Variants in RAD54L observed in about 807,000 individuals in gnomAD.
RAD54L encodes the protein DNA repair and recombination protein RAD54-like.
In RAD54L, 74 loss-of-function variants were observed where a neutral mutation model predicts 91.6. The observed-to-expected ratio is 0.81, with a 90% CI of 0.67 to 0.98. The LOEUF (loss-of-function observed/expected upper bound fraction) is 0.98, where lower values mean the gene tolerates loss of function less well. Ranked by LOEUF, RAD54L falls within the 50% of genes least tolerant of loss-of-function variation. RAD54L has a pLI of 0.00. For missense variants in RAD54L, 887 were observed against 945.7 expected, an observed-to-expected ratio of 0.94 and a Z score of 0.81; for synonymous variants, 304 against 349.7, an observed-to-expected ratio of 0.87 and a Z score of 1.46.
chr1:46,274,646 G>A lies in RAD54L; in HGVS notation c.1798G>A (p.Asp600Asn). The change falls in exon 16 of 18, where the codon GAT (aspartate) becomes AAT (asparagine). Residue 600 changes from aspartate (D) to asparagine (N), a missense_variant. Transcript: ENST00000371975. ...MFDPDWNPANDEQAMARVWRD... is the reference protein window; with the variant it reads ...MFDPDWNPANNEQAMARVWRD... The stretch of plus-strand genomic sequence containing the variant: ...TGACCCTGACTGGAACCCAGCCAAT[G>A]ATGAACAAGCCATGGCCCGGGTCTG... The A allele has an allele frequency of 6.2e-7, 1 of 1,614,130 alleles. No homozygotes were observed. Among genetic ancestry groups the A allele is most frequent in the Non-Finnish European group, 8.5e-7 (1 of 1,180,044 alleles).
chr1:46,275,839 A>T (rs1018872855), intron 16 of RAD54L, among the ~76,000 whole-genome samples: 4 of 152,088 alleles, frequency 2.6e-5, no homozygotes, highest in African/African-American at 4.8e-5. Context: ...CTAATCCCTT[A>T]AAAAATGCTC....
chr1:46,274,669 C>G lies in RAD54L; in HGVS notation c.1821C>G (p.Val607=). The change falls in exon 16 of 18, where the codon GTC becomes GTG. Residue 607 remains valine (V), a synonymous_variant. Transcript: ENST00000371975. The part of the protein sequence containing the change: ...PANDEQAMAR[V]WRDGQKKTCY... ...ATGATGAACAAGCCATGGCCCGGGTCTGGCGAGATGGTCAAAAGAAGACTT... is the reference window on the plus strand; with the variant it reads ...ATGATGAACAAGCCATGGCCCGGGTGTGGCGAGATGGTCAAAAGAAGACTT... 1 of 1,614,164 alleles carries G rather than the reference C, an allele frequency of 6.2e-7. No individual in the cohort carries two copies. The highest frequency in any genetic ancestry group is 8.5e-7 in the Non-Finnish European group (1 of 1,180,036).
Position 46,261,112 on chromosome 1 carries a change from G to A in RAD54L, c.766+97G>A, listed in dbSNP as rs537399840. ...ATGGCCAGGGTGGAGGGCAATGCAG[G>A]GGTAGAAGAAAAGAGAATTTCCATT... On this transcript the variant is annotated intron_variant, in intron 7 of 17. Coordinates refer to ENST00000371975, the MANE Select transcript of RAD54L (RefSeq NM_003579.4). 4.5e-6 allele frequency: 7 copies of A among 1,544,796 alleles called. No homozygotes were observed. In the East Asian group the frequency reaches 1.7e-4, roughly 36 times the overall value.
At chr1:46,256,716 C>T (rs1339293114) in intron 3 of RAD54L, among the ~76,000 whole-genome samples, 4 of 151,278 alleles carry the variant, frequency 2.6e-5, no homozygotes, top group Admixed American at 6.6e-5. Flanking sequence ...AGTTTTTTGC[C>T]AACTTTGCCT....
chr1:46,265,361 T>TA lies in RAD54L; in HGVS notation c.892-2096dup. On this transcript the variant is annotated intron_variant, in intron 8 of 17. Coordinates refer to ENST00000371975, the MANE Select transcript of RAD54L (RefSeq NM_003579.4). This position sits in a 1 kb window ranked among gnomAD's most constrained non-coding sequence, Gnocchi z 4.8. ...AGCCCGGCATAGTAACACATGCCTG[T>TA]AATACCAGCAACTCAGGAAGCTGAG... Among the ~76,000 whole-genome samples, 1 of 152,038 alleles carries TA rather than the reference T, an allele frequency of 6.6e-6. No homozygotes were observed.
intron 16 of RAD54L, among the ~76,000 whole-genome samples, chr1:46,276,692 C>T (rs989372041): frequency 6.6e-6 from 1 of 152,216 alleles, no homozygotes; most frequent in Non-Finnish European, 1.5e-5. Flanking sequence ...TCTGTCTTAT[C>T]CCAACCCATT....
In RAD54L at chr1:46,276,403, G is replaced by A. The variant is rs568627238; in HGVS notation, c.1870-1414G>A. Among the ~76,000 whole-genome samples the A allele has an allele frequency of 2.0e-5, 3 of 152,058 alleles. No homozygotes were observed. The East Asian group carries it at 5.8e-4, about 30-fold the overall frequency. On this transcript the variant is annotated intron_variant, in intron 16 of 17. Coordinates refer to ENST00000371975, the MANE Select transcript of RAD54L (RefSeq NM_003579.4). ...TGGTCTCGAACATCTGGACTCAAGC[G>A]ATCCACCTTGGCCTTCCCAAGTGCT...
intron 5 of RAD54L, 139 bp downstream of exon 5, chr1:46,260,238 C>G: frequency 7.3e-7 from 1 of 1,363,676 alleles, no homozygotes; most frequent in Non-Finnish European, 1.0e-6. Context: ...GGGAAGGAGA[C>G]TGCCTGGGGA....
At chr1:46,277,503 T>C in intron 16 of RAD54L, 1 of 445,240 alleles carries the variant, frequency 2.2e-6, no homozygotes, top group Middle Eastern at 6.6e-4. Flanking sequence ...TGAGTTAGAG[T>C]TGGGCTTGGT....
chr1:46,250,145 T>G (rs1226083380), intron 3 of RAD54L, 26 bp downstream of exon 3: 1 of 1,613,786 alleles, frequency 6.2e-7, no homozygotes, highest in Non-Finnish European at 8.5e-7. Flanking sequence ...AACCTGCATG[T>G]GTATGTCTGT....
chr1:46,273,109 AAG>A (rs1660483530), intron 12 of RAD54L, among the ~76,000 whole-genome samples: 1 of 152,148 alleles, frequency 6.6e-6, no homozygotes, highest in South Asian at 2.1e-4. Context: ...AAAAATAACA[AAG>A]AAACCTTGCC....
chr1:46,248,423 AG>A lies in RAD54L; in HGVS notation c.3+19del, dbSNP rs763940599. 2.3e-5 allele frequency: 37 copies of A among 1,614,054 alleles called. No homozygotes were observed. The highest frequency in any genetic ancestry group is 3.1e-5 in the Non-Finnish European group (37 of 1,179,998). The stretch of plus-strand genomic sequence containing the variant: ...GGCCCAGGATGGTAAGTGTGGGCCT[AG>A]GGGAGACTGGGAATAGCCCTGGGTC... On this transcript the variant is annotated intron_variant, in intron 1 of 17. Coordinates refer to ENST00000371975, the MANE Select transcript of RAD54L (RefSeq NM_003579.4).
At chr1:46,275,693 TAACTC>T (rs934928423) in intron 16 of RAD54L, among the ~76,000 whole-genome samples, 3 of 152,222 alleles carry the variant, frequency 2.0e-5, no homozygotes, top group South Asian at 2.1e-4. Context: ...ATTTCCTACC[TAACTC>T]ATCTTCTTTC....
intron 16 of RAD54L, 81 bp from the exon 17 acceptor site, chr1:46,277,736 A>G: frequency 6.7e-7 from 1 of 1,481,514 alleles, no homozygotes; most frequent in Non-Finnish European, 9.4e-7. Flanking sequence ...TGTAGTTTCA[A>G]CCCTTTGGTT....
At chr1:46,249,254 G>A (rs1336608938) in intron 2 of RAD54L, among the ~76,000 whole-genome samples, 1 of 152,196 alleles carries the variant, frequency 6.6e-6, no homozygotes, top group East Asian at 1.9e-4. Flanking sequence ...CTTTTTGGCA[G>A]GAGCAGTGTG....
At position 46,278,233 on chromosome 1, in the gene RAD54L, C is replaced by T. The variant is rs766417899; in HGVS notation, c.2195C>T (p.Thr732Ile). 3 of 1,613,918 alleles carry T rather than the reference C, an allele frequency of 1.9e-6. No individual in the cohort carries two copies. Among genetic ancestry groups the T allele is most frequent in the South Asian group, 2.2e-5 (2 of 90,982 alleles). ...TGGGATGCTGCCTCCACTGCCATCA[C>T]CTTCGTCTTCCACCAGCGTTCTCAT... is the stretch of plus-strand genomic sequence containing the variant. ...AAWDAASTAI[T>I]FVFHQRSHEE... Residue 732 changes from threonine (T) to isoleucine (I), a missense_variant, in exon 18 of 18, where the codon ACC (threonine) becomes ATC (isoleucine). Physicochemically the swap from Thr to Ile is moderately conservative, Grantham distance 89. Transcript: ENST00000371975.
At chr1:46,275,248 C>G (rs575123811) in intron 16 of RAD54L, among the ~76,000 whole-genome samples, 1 of 152,210 alleles carries the variant, frequency 6.6e-6, no homozygotes, top group Non-Finnish European at 1.5e-5. Flanking sequence ...ATGTGGTTAT[C>G]CAGCACTCTG....
Position 46,278,469 on chromosome 1 carries a change from G to C in RAD54L, c.*187G>C, listed in dbSNP as rs1247462923. On this transcript the variant is annotated 3_prime_UTR_variant, in exon 18 of 18. Coordinates refer to ENST00000371975, the MANE Select transcript of RAD54L (RefSeq NM_003579.4). Reference sequence around the variant, plus strand: ...TAAAAAAAAGAATAAAGGTATGAAAGGGTTTGAGGCCTGAGAGCAGTGTGG... The same window carrying C: ...TAAAAAAAAGAATAAAGGTATGAAACGGTTTGAGGCCTGAGAGCAGTGTGG... 2 of 745,986 alleles carry C rather than the reference G, an allele frequency of 2.7e-6. No homozygotes were observed. Among genetic ancestry groups the C allele is most frequent in the African/African-American group, 3.5e-5 (2 of 56,788 alleles). The allele number at this position is 745,986 out of a possible 1,614,324, so 46.2% of individuals were successfully genotyped here. A position where few individuals can be genotyped will look rare whatever the true frequency, so the allele number is the denominator to read the frequency against.
intron 9 of RAD54L, among the ~76,000 whole-genome samples, chr1:46,269,228 C>T (rs760493280): frequency 6.6e-6 from 1 of 152,046 alleles, no homozygotes; most frequent in African/African-American, 2.4e-5. Context: ...CCGTTTGTCT[C>T]CTTGTGTCAG....
Sources: gnomAD v4.1 joint callset for allele counts (sites outside exome capture counted in the v4.1 genomes callset) on GRCh38, gnomAD v4.1.1 for gene constraint, Gnocchi (gnomAD v3.1) non-coding constraint, MANE v1.5 for transcripts, NCBI Gene and HGNC (gene_info 2026-07-23, HGNC 2026-07-21) for gene names.